The following ALK variants were observed in gnomAD, a reference collection of about 807,000 sequenced individuals.
ALK encodes the protein ALK tyrosine kinase receptor.
In ALK, 74 loss-of-function variants were observed where a neutral mutation model predicts 163.1. The ratio of observed to expected loss-of-function variants is 0.45; its 90% CI spans 0.38 to 0.55. The LOEUF (loss-of-function observed/expected upper bound fraction) is 0.55, where lower values mean the gene tolerates loss of function less well. Ranked by LOEUF, ALK falls within the 20% of genes least tolerant of loss-of-function variation. The probability of loss-of-function intolerance (pLI) is 0.00; values close to 1 mark genes in which losing one functional copy is unlikely to be tolerated. For synonymous variants in ALK, 960 were observed against 843.2 expected (o/e 1.14, Z -2.40); for missense variants, 2,063 against 2,105.3 (o/e 0.98, Z 0.39).
chr2:29,596,317 G>A (rs1456201243), intron 3 of ALK, among the ~76,000 whole-genome samples: 1 of 152,194 alleles, frequency 6.6e-6, no homozygotes, highest in African/African-American at 2.4e-5. Context: ...GGGGTTCACA[G>A]CTTAAGTCCC....
At chr2:29,260,294 C>G (rs1665053896) in intron 11 of ALK, among the ~76,000 whole-genome samples, 1 of 152,174 alleles carries the variant, frequency 6.6e-6, no homozygotes. Flanking sequence ...CATTTTAAAA[C>G]AGAAGGTTAG....
chr2:29,919,432 G>A (rs984137731), intron 1 of ALK, among the ~76,000 whole-genome samples: 2 of 152,042 alleles, frequency 1.3e-5, no homozygotes, highest in Non-Finnish European at 2.9e-5. Flanking sequence ...GACTGGGTGG[G>A]GGTGGGAGGG....
At chr2:29,653,410 C>T (rs949909879) in intron 3 of ALK, among the ~76,000 whole-genome samples, 1 of 152,092 alleles carries the variant, frequency 6.6e-6, no homozygotes, top group Non-Finnish European at 1.5e-5. Context: ...TTAATTTGAC[C>T]AGACCAAGAA....
intron 6 of ALK, among the ~76,000 whole-genome samples, chr2:29,325,464 C>G (rs1305017555): frequency 6.6e-6 from 1 of 152,202 alleles, no homozygotes; most frequent in Non-Finnish European, 1.5e-5. Context: ...CAGTAGGCAT[C>G]ACTTTACAGA....
intron 9 of ALK, among the ~76,000 whole-genome samples, chr2:29,281,918 C>T (rs538263534): frequency 2.6e-4 from 40 of 152,286 alleles, no homozygotes; most frequent in African/African-American, 9.6e-4. Context: ...TATTTGCCAC[C>T]CTGCCAGCCT....
At chr2:29,906,897 G>C (rs529289607) in intron 1 of ALK, among the ~76,000 whole-genome samples, 1 of 142,778 alleles carries the variant, frequency 7.0e-6, no homozygotes, top group East Asian at 2.2e-4. Context: ...TTGGAAAATA[G>C]TGATCCCCAC....
chr2:29,740,344 G>A (rs1680018064), intron 1 of ALK, among the ~76,000 whole-genome samples: 1 of 152,092 alleles, frequency 6.6e-6, no homozygotes, highest in Admixed American at 6.5e-5. Context: ...AGGGAAGACA[G>A]ACAAAGAGGG....
At chr2:29,328,647 C>T (rs1187694279) in intron 5 of ALK, among the ~76,000 whole-genome samples, 166 bp from the exon 6 acceptor site, 1 of 152,252 alleles carries the variant, frequency 6.6e-6, no homozygotes, top group South Asian at 2.1e-4. Flanking sequence ...CTGGCCAACC[C>T]AGGGCCAACA....
At chr2:29,562,609 T>A (rs4510174) in intron 3 of ALK, among the ~76,000 whole-genome samples, 3 of 151,980 alleles carry the variant, frequency 2.0e-5, no homozygotes, top group Admixed American at 2.0e-4. Context: ...AGCAGAACAA[T>A]TGGAAAGAAG....
At chr2:29,347,911 A>C (rs114288305) in intron 5 of ALK, among the ~76,000 whole-genome samples, 4 of 152,186 alleles carry the variant, frequency 2.6e-5, no homozygotes, top group Admixed American at 2.0e-4. Context: ...TAGATCTAGG[A>C]TAGAGCTTGA....
chr2:29,196,354 TATA>T (rs1408263356), intron 28 of ALK, among the ~76,000 whole-genome samples: 5 of 152,270 alleles, frequency 3.3e-5, no homozygotes, highest in Admixed American at 2.0e-4. Context: ...TAGTTGGACA[TATA>T]ATCTATCAAT....
chr2:29,343,239 C>A (rs945380155), intron 5 of ALK, among the ~76,000 whole-genome samples: 1 of 141,650 alleles, frequency 7.1e-6, no homozygotes, highest in Non-Finnish European at 1.5e-5. Flanking sequence ...GACAGGGTCT[C>A]ATTCTGTCAT....
At chr2:29,468,652 C>A (rs1671271135) in intron 4 of ALK, among the ~76,000 whole-genome samples, 1 of 151,644 alleles carries the variant, frequency 6.6e-6, no homozygotes, top group Non-Finnish European at 1.5e-5. Flanking sequence ...GGTTCAGGAC[C>A]AGACTGGCCA....
intron 3 of ALK, among the ~76,000 whole-genome samples, chr2:29,573,336 A>G (rs12621412): frequency 0.96 from 145,862 of 152,326 alleles, 70,126 homozygotes; most frequent in Non-Finnish European, 1. Flanking sequence ...GCCAGCCACT[A>G]ATTTGGATCA....
At chr2:29,397,328 G>A (rs1423349302) in intron 4 of ALK, among the ~76,000 whole-genome samples, 1 of 152,122 alleles carries the variant, frequency 6.6e-6, no homozygotes, top group African/African-American at 2.4e-5. Context: ...GTATACCAAG[G>A]AATGCCAAAG....
chr2:29,783,143 G>T (rs1663887110), intron 1 of ALK, among the ~76,000 whole-genome samples: 1 of 152,098 alleles, frequency 6.6e-6, no homozygotes, highest in Non-Finnish European at 1.5e-5. Context: ...TCCTACTTTT[G>T]TCTCTGGGAT....
At chr2:29,273,221 C>A (rs572795218) in intron 11 of ALK, among the ~76,000 whole-genome samples, 3 of 152,248 alleles carry the variant, frequency 2.0e-5, no homozygotes, top group Admixed American at 6.5e-5. Context: ...CTGTTGTAAC[C>A]ATGCACCGTG....
intron 8 of ALK, among the ~76,000 whole-genome samples, chr2:29,313,168 G>T (rs1294285607): frequency 6.6e-6 from 1 of 152,156 alleles, no homozygotes; most frequent in East Asian, 1.9e-4. Flanking sequence ...GCCCAGAGAG[G>T]GGAAGTGTGC....
At chr2:29,247,129 G>A (rs1014557923) in intron 12 of ALK, among the ~76,000 whole-genome samples, 10 of 152,152 alleles carry the variant, frequency 6.6e-5, no homozygotes, top group African/African-American at 1.9e-4. Flanking sequence ...CCCGGCCTCC[G>A]CGGCAGCGCC....
Sources: gnomAD v4.1 joint callset for allele counts (sites outside exome capture counted in the v4.1 genomes callset) on GRCh38, gnomAD v4.1.1 for gene constraint, MANE v1.5 for transcripts, NCBI Gene and HGNC (gene_info 2026-07-23, HGNC 2026-07-21) for gene names.